The following SH3D19 variants were observed in gnomAD, a reference collection of about 807,000 sequenced individuals.
The protein encoded by SH3D19 is SH3 domain-containing protein 19.
A neutral mutation model predicts 112.1 loss-of-function variants in SH3D19; 58 were observed. The observed-to-expected ratio is 0.52, with a 90% CI of 0.42 to 0.64. The LOEUF is 0.64. SH3D19 is among the 30% of genes least tolerant of loss of function. The probability of loss-of-function intolerance (pLI) is 0.00; values close to 1 mark genes in which losing one functional copy is unlikely to be tolerated. For synonymous variants in SH3D19, 391 were observed against 448.5 expected (o/e 0.87, Z 1.62); for missense variants, 1,090 against 1,263.4 (o/e 0.86, Z 2.08).
At chr4:151,136,851 T>A (rs1751957144) in intron 14 of SH3D19, among the ~76,000 whole-genome samples, 1 of 152,230 alleles carries the variant, frequency 6.6e-6, no homozygotes, top group Non-Finnish European at 1.5e-5. Context: ...CTACCCTTCA[T>A]AATCCAAGAG....
At chr4:151,304,252 G>A (rs1052196391) in intron 1 of SH3D19, among the ~76,000 whole-genome samples, 5 of 152,164 alleles carry the variant, frequency 3.3e-5, no homozygotes, top group African/African-American at 9.7e-5. Context: ...GAAACTGGCA[G>A]AATCAACTTT....
intron 2 of SH3D19, among the ~76,000 whole-genome samples, chr4:151,217,683 TA>T (rs1311861360): frequency 6.6e-6 from 1 of 151,968 alleles, no homozygotes; most frequent in Non-Finnish European, 1.5e-5. Flanking sequence ...GGAAGAACAA[TA>T]AAGGTTTTCC....
At chr4:151,256,698 T>TG (rs1237700164) in intron 1 of SH3D19, among the ~76,000 whole-genome samples, 2 of 150,894 alleles carry the variant, frequency 1.3e-5, no homozygotes, top group Admixed American at 6.6e-5. Flanking sequence ...TTTGTTGTTT[T>TG]TTTTTTTTTT....
chr4:151,237,015 T>C (rs1028466840), intron 1 of SH3D19, among the ~76,000 whole-genome samples: 2 of 152,194 alleles, frequency 1.3e-5, no homozygotes, highest in Admixed American at 6.5e-5. Flanking sequence ...TCCCCTTCCA[T>C]ACTGTGGAAG....
At chr4:151,192,764 A>C (rs982387288) in intron 2 of SH3D19, among the ~76,000 whole-genome samples, 1 of 152,204 alleles carries the variant, frequency 6.6e-6, no homozygotes, top group Non-Finnish European at 1.5e-5. Flanking sequence ...CCTTTAGGTC[A>C]TCCTTCTCAG....
intron 1 of SH3D19, among the ~76,000 whole-genome samples, chr4:151,286,212 ACCTAAAG>A (rs1774768735): frequency 6.7e-6 from 1 of 149,876 alleles, no homozygotes; most frequent in Non-Finnish European, 1.5e-5. Context: ...AAACAACTAA[ACCTAAAG>A]AAAATACAAA....
At chr4:151,143,520 G>C (rs2407440) in intron 12 of SH3D19, among the ~76,000 whole-genome samples, 127,955 of 152,070 alleles carry the variant, frequency 0.84, 55,055 homozygotes, top group Non-Finnish European at 0.95. Flanking sequence ...AAGATAAACT[G>C]CCTTCTAAGA....
rs1160711545 is a variant in SH3D19 at position 151,121,093 on chromosome 4, A to G, written c.*998T>C. ...AAGTACCAGTCTTCTGTCCTCTTAA[A>G]TTATTTTTCATTCTGATTATATTAC... On this transcript the variant is annotated 3_prime_UTR_variant, in exon 20 of 20. Transcript: ENST00000604030. 2.0e-5 allele frequency: 3 copies of G among 152,550 alleles called. No homozygotes were observed. Among genetic ancestry groups the G allele is most frequent in the Non-Finnish European group, 4.4e-5 (3 of 68,026 alleles). The allele number at this position is 152,550 out of a possible 1,614,324, so 9.4% of individuals were successfully genotyped here. A position where few individuals can be genotyped will look rare whatever the true frequency, so the allele number is the denominator to read the frequency against.
chr4:151,255,457 CCTAGATGTGA>C (rs1035165262), intron 1 of SH3D19, among the ~76,000 whole-genome samples: 1 of 151,780 alleles, frequency 6.6e-6, no homozygotes, highest in Non-Finnish European at 1.5e-5. Context: ...CTCCTCACTT[CCTAGATGTGA>C]TGGCGGCCGG....
intron 8 of SH3D19, among the ~76,000 whole-genome samples, chr4:151,163,068 G>C (rs1192503512): frequency 2.6e-5 from 4 of 152,182 alleles, no homozygotes; most frequent in Non-Finnish European, 5.9e-5. Context: ...CCTGGGCACT[G>C]AATCAGTAGT....
rs1476548136 is a variant in SH3D19 at position 151,154,375 on chromosome 4, C to T, written c.1756-4814G>A. ...TCTTGAACTCCCGACCTCAGGCGAT[C>T]CGCCCGCCTTGGCCTCCCAAAGTGC... On this transcript the variant is annotated intron_variant, in intron 9 of 19. Coordinates refer to ENST00000604030, the MANE Select transcript of SH3D19 (RefSeq NM_001378122.1). Among the ~76,000 whole-genome samples the T allele has an allele frequency of 3.3e-5, 5 of 150,622 alleles. No homozygotes were observed. The East Asian group carries it at 9.7e-4, about 29-fold the overall frequency.
intron 1 of SH3D19, among the ~76,000 whole-genome samples, chr4:151,267,846 T>C (rs540408333): frequency 6.6e-6 from 1 of 152,248 alleles, no homozygotes; most frequent in South Asian, 2.1e-4. Context: ...GCAAGTAGGA[T>C]GGTGCTCAGA....
intron 1 of SH3D19, among the ~76,000 whole-genome samples, chr4:151,237,275 A>G (rs1265278583): frequency 1.3e-5 from 2 of 152,212 alleles, no homozygotes; most frequent in African/African-American, 2.4e-5. Context: ...TTTCGGACAT[A>G]AGGTCACAAA....
intron 2 of SH3D19, among the ~76,000 whole-genome samples, chr4:151,224,824 G>A (rs939875304): frequency 6.6e-6 from 1 of 152,108 alleles, no homozygotes; most frequent in African/African-American, 2.4e-5. Context: ...TGCGATTACA[G>A]GTGTGAACCA....
intron 2 of SH3D19, among the ~76,000 whole-genome samples, chr4:151,203,042 G>T (rs1478880570): frequency 2.6e-5 from 4 of 152,128 alleles, no homozygotes; most frequent in African/African-American, 4.8e-5. Flanking sequence ...GACAAACGAG[G>T]AAAGAGAAAT....
intron 1 of SH3D19, among the ~76,000 whole-genome samples, chr4:151,297,818 T>C (rs752187350): frequency 1.1e-4 from 17 of 152,246 alleles, no homozygotes; most frequent in Admixed American, 6.5e-4. Context: ...TTTGCACATA[T>C]GATTAAGTAT....
intron 1 of SH3D19, among the ~76,000 whole-genome samples, chr4:151,317,982 C>A (rs1308998017): frequency 1.4e-5 from 2 of 141,388 alleles, no homozygotes; most frequent in Non-Finnish European, 3.1e-5. Flanking sequence ...CAGAGCGAGG[C>A]TGTTTCTTAA....
chr4:151,177,089 C>T (rs917724645), intron 4 of SH3D19, 134 bp from the exon 5 acceptor site: 4 of 676,986 alleles, frequency 5.9e-6, no homozygotes, highest in Non-Finnish European at 8.3e-6. Flanking sequence ...CAGAAATGAC[C>T]TGTCAGGCCT....
rs1230262834 is a variant in SH3D19 at position 151,128,195 on chromosome 4, T to C, written c.2904A>G (p.Pro968=). 1 of 1,611,408 alleles carries C rather than the reference T, an allele frequency of 6.2e-7. No individual in the cohort carries two copies. ...CTGGGCAGGGCCTCACAAACACTGC[T>C]GGGAAGATCCCCTCCCTGTCCTGCA... ...GRLQDREGIF[P]AVFVRPCPAE... Residue 968 remains proline, a synonymous_variant, in exon 18 of 20, where the codon CCA becomes CCG. Coordinates refer to ENST00000604030, the MANE Select transcript of SH3D19 (RefSeq NM_001378122.1).
Sources: gnomAD v4.1 joint callset for allele counts (sites outside exome capture counted in the v4.1 genomes callset) on GRCh38, gnomAD v4.1.1 for gene constraint, MANE v1.5 for transcripts, NCBI Gene and HGNC (gene_info 2026-07-23, HGNC 2026-07-21) for gene names.